Variants in ZNF37A observed in about 807,000 individuals in gnomAD.
ZNF37A encodes zinc finger protein 37a (KOX 21).
ZNF37A carries 10 observed loss-of-function variants against 12.3 expected under a neutral mutation model. The ratio of observed to expected loss-of-function variants is 0.82; its 90% confidence interval spans 0.50 to 1.38. ZNF37A has a LOEUF of 1.38. Ranked by LOEUF, ZNF37A falls within the 40% of genes most tolerant of loss-of-function variation. ZNF37A has a pLI of 0.00. For missense variants in ZNF37A, 580 were observed against 651.2 expected (o/e 0.89, Z 1.19); for synonymous variants, 207 against 223.0 (o/e 0.93, Z 0.64).
At chr10:38,138,326 C>T (rs542924568) in intron 7 of ZNF37A, 2 of 152,298 alleles carry the variant, frequency 1.3e-5, no homozygotes, top group Non-Finnish European at 2.9e-5. Flanking sequence ...TCATCACAAA[C>T]ACTAAGTATA....
intron 7 of ZNF37A, among the ~76,000 whole-genome samples, chr10:38,116,063 C>T (rs1231443933): frequency 6.6e-6 from 1 of 152,004 alleles, no homozygotes; most frequent in Non-Finnish European, 1.5e-5. Context: ...GAGCAAGATT[C>T]TGTCTCTAAA....
At chr10:38,114,627 A>C in intron 5 of ZNF37A, 128 bp from the exon 6 acceptor site, 1 of 1,124,314 alleles carries the variant, frequency 8.9e-7, no homozygotes, top group Non-Finnish European at 1.3e-6. Flanking sequence ...CATATATCAT[A>C]GGGGCCCTTT....
Position 38,112,758 on chromosome 10 carries a change from T to TGG in ZNF37A, c.16-1997_16-1996insGG, listed in dbSNP as rs1564932079. Among the ~76,000 whole-genome samples, 22 of 130,290 alleles carry TGG rather than the reference T, an allele frequency of 1.7e-4. 4 individuals carry two copies. The highest frequency in any genetic ancestry group is 2.7e-4 in the African/African-American group (9 of 33,724). 85.5% of individuals were successfully genotyped at this position (130,290 alleles called of 152,430 possible). A position where few individuals can be genotyped will look rare whatever the true frequency, so the allele number is the denominator to read the frequency against. ...TTCTTTTCTTTTCTTTTCTTTTCTT[T>TGG]TCTTTTCTTTTCTTTTCTTTTCTTT... is the stretch of plus-strand genomic sequence containing the variant. On this transcript the variant is annotated intron_variant, in intron 5 of 7. Coordinates refer to ENST00000685332, the MANE Select transcript of ZNF37A (RefSeq NM_001324250.3).
intron 7 of ZNF37A, among the ~76,000 whole-genome samples, chr10:38,131,728 T>C (rs1161845072): frequency 6.6e-6 from 1 of 152,212 alleles, no homozygotes; most frequent in Middle Eastern, 3.2e-3. Flanking sequence ...TTGGGTAGTA[T>C]TGGCATCTTC....
intron 5 of ZNF37A, among the ~76,000 whole-genome samples, chr10:38,110,768 A>G (rs1487000247): frequency 6.6e-6 from 1 of 152,230 alleles, no homozygotes; most frequent in African/African-American, 2.4e-5. Flanking sequence ...AATGCAAATC[A>G]AAACCACAAT....
At position 38,115,263 on chromosome 10, in the gene ZNF37A, GA is replaced by G; in HGVS notation, c.216del (p.Lys72AsnfsTer10). The part of the protein sequence containing the change: ...EKGEEPWILE[E>X]KFPSQSHLEL... Reference sequence around the variant, plus strand: ...AGGCGAGGAGCCATGGATATTAGAGGAAAAATTTCCAAGCCAGAGTCATCTG... The same window carrying G: ...AGGCGAGGAGCCATGGATATTAGAGGAAAATTTCCAAGCCAGAGTCATCTG... On this transcript the variant is annotated frameshift_variant, in exon 7 of 8. Transcript: ENST00000685332. LOFTEE classifies it low-confidence loss of function (END_TRUNC). 6.2e-7 allele frequency: 1 copy of G among 1,613,746 alleles called. No homozygotes were observed. The highest frequency in any genetic ancestry group is 8.5e-7 in the Non-Finnish European group (1 of 1,179,896).
At chr10:38,131,190 C>G (rs568807072) in intron 7 of ZNF37A, among the ~76,000 whole-genome samples, 1 of 151,988 alleles carries the variant, frequency 6.6e-6, no homozygotes, top group African/African-American at 2.4e-5. Flanking sequence ...TTCTTCGATG[C>G]AAAAAAGTTC....
At chr10:38,129,316 A>AAAAAAAAAAAAAAAAAAAAAAAAAAAAAC (rs1432210552), downstream of ZNF37A, among the ~76,000 whole-genome samples, 1 of 142,430 alleles carries the variant, frequency 7.0e-6, no homozygotes, top group Non-Finnish European at 1.5e-5. Context: ...AAAAAAAAAA[A>AAAAAAAAAAAAAAAAAAAAAAAAAAAAAC]AAAAAACTAT....
At chr10:38,128,942 T>G (rs1357658811), downstream of ZNF37A, among the ~76,000 whole-genome samples, 1 of 152,030 alleles carries the variant, frequency 6.6e-6, no homozygotes, top group Non-Finnish European at 1.5e-5. Context: ...TTAGTAGAGA[T>G]GGGATTTCAC....
chr10:38,103,199 A>G (rs1158948899), intron 5 of ZNF37A, among the ~76,000 whole-genome samples: 1 of 151,942 alleles, frequency 6.6e-6, no homozygotes, highest in Non-Finnish European at 1.5e-5. Flanking sequence ...TGTCTCTTGG[A>G]TCTCTTAGGC....
chr10:38,138,328 CTAAG>C (rs1331364064), intron 7 of ZNF37A: 2 of 152,276 alleles, frequency 1.3e-5, no homozygotes, highest in African/African-American at 4.8e-5. Flanking sequence ...ATCACAAACA[CTAAG>C]TATAGATTTC....
At chr10:38,126,545 C>T (rs1174601682), downstream of ZNF37A, among the ~76,000 whole-genome samples, 1 of 152,224 alleles carries the variant, frequency 6.6e-6, no homozygotes, top group East Asian at 1.9e-4. Flanking sequence ...CTAGGCCAAA[C>T]AACACATTTG....
chr10:38,147,655 G>GA (rs1176281338), exon 8 of ZNF37A: 1 of 151,922 alleles, frequency 6.6e-6, no homozygotes, highest in East Asian at 1.9e-4. Context: ...TCTGATACAA[G>GA]AAAAAAGATA....
rs746007571 is a variant in ZNF37A at position 38,117,695 on chromosome 10, A to C, written c.544A>C (p.Thr182Pro). 4.3e-6 allele frequency: 7 copies of C among 1,613,858 alleles called. No homozygotes were observed. The highest frequency in any genetic ancestry group is 5.9e-6 in the Non-Finnish European group (7 of 1,179,992). The change falls in exon 8 of 8, where the codon ACC becomes CCC. Residue 182 changes from threonine (T) to proline (P), a missense_variant. Physicochemically the swap from Thr to Pro is conservative, Grantham distance 38. Coordinates refer to ENST00000685332, the MANE Select transcript of ZNF37A (RefSeq NM_001324250.3). ...KTCKYTEHGK[T>P]CDMSFFITHQ... ...CTGCAAATATACTGAACATGGGAAA[A>C]CCTGTGATATGTCATTTTTCATCAC... is the stretch of plus-strand genomic sequence containing the variant.
At chr10:38,109,391 A>G (rs1340804488) in intron 5 of ZNF37A, among the ~76,000 whole-genome samples, 2 of 152,220 alleles carry the variant, frequency 1.3e-5, no homozygotes, top group Non-Finnish European at 2.9e-5. Flanking sequence ...ATAATACTGA[A>G]TGGGCAAAAA....
At position 38,099,549 on chromosome 10, in the gene ZNF37A, AACTGTTG is replaced by A. The variant is rs531129780; in HGVS notation, c.15+2918_15+2924del. Among the ~76,000 whole-genome samples the A allele has an allele frequency of 3.6e-3, 541 of 152,250 alleles. 3 individuals are homozygous for A. Among genetic ancestry groups the A allele is most frequent in the Non-Finnish European group, 5.9e-3 (398 of 68,008 alleles). ...GACATTTGGGTTCCTTCCTCCTTTT[AACTGTTG>A]TGAATAATGTTACTGTGAACGTGGG... On this transcript the variant is annotated intron_variant, in intron 5 of 7. Coordinates refer to ENST00000685332, the MANE Select transcript of ZNF37A (RefSeq NM_001324250.3).
At chr10:38,128,662 A>T (rs1221505302), downstream of ZNF37A, among the ~76,000 whole-genome samples, 1 of 152,212 alleles carries the variant, frequency 6.6e-6, no homozygotes, top group African/African-American at 2.4e-5. Flanking sequence ...ACACCATGAC[A>T]TTCTGGAATC....
rs75525219 is a variant in ZNF37A at position 38,118,957 on chromosome 10, G to GAAA, written c.*124_*126dup. 543,798 of 1,332,288 alleles carry GAAA rather than the reference G, an allele frequency of 0.41. 110,139 individuals are homozygous for GAAA. Among genetic ancestry groups the GAAA allele is most frequent in the Admixed American group, 0.46 (13,429 of 28,932 alleles). The allele number at this position is 1,332,288 out of a possible 1,614,324, so 82.5% of individuals were successfully genotyped here. ...CAGTATAGAAGAGAACTTAAAGAGGGAAAAAACAATATGAAGATAGGGAAT... is the reference window on the plus strand; with the variant it reads ...CAGTATAGAAGAGAACTTAAAGAGGGAAAAAAAAACAATATGAAGATAGGGAAT... On this transcript the variant is annotated 3_prime_UTR_variant, in exon 8 of 8. Coordinates refer to ENST00000685332, the MANE Select transcript of ZNF37A (RefSeq NM_001324250.3).
downstream of ZNF37A, chr10:38,124,925 G>T (rs1176723742): frequency 1.3e-5 from 2 of 152,142 alleles, no homozygotes; most frequent in African/African-American, 4.8e-5. Context: ...GTGCTTGGGA[G>T]ATTTTCAGAA....
Sources: gnomAD v4.1 joint callset for allele counts (sites outside exome capture counted in the v4.1 genomes callset) on GRCh38, gnomAD v4.1.1 for gene constraint, MANE v1.5 for transcripts, NCBI Gene and HGNC (gene_info 2026-07-23, HGNC 2026-07-21) for gene names.